The following PTPRD variants were observed in gnomAD, a reference collection of about 807,000 sequenced individuals.
The protein encoded by PTPRD is receptor-type tyrosine-protein phosphatase delta.
A neutral mutation model predicts 214.5 loss-of-function variants in PTPRD; 34 were observed. The observed-to-expected ratio is 0.16, with a 90% CI of 0.12 to 0.21. The LOEUF is 0.21. Ranked by LOEUF, PTPRD falls within the 10% of genes least tolerant of loss-of-function variation. The pLI is 1.00. For synonymous variants in PTPRD, 1,128 were observed against 845.7 expected (o/e 1.33, Z -5.79); for missense variants, 2,545 against 2,398.7 (o/e 1.06, Z -1.27).
intron 9 of PTPRD, among the ~76,000 whole-genome samples, chr9:9,230,963 C>G (rs944874961): frequency 2.0e-5 from 3 of 151,966 alleles, no homozygotes; most frequent in Non-Finnish European, 4.4e-5. Flanking sequence ...GTGAATACTT[C>G]AAATAGCCAA....
chr9:9,869,342 T>C (rs2064845085), intron 5 of PTPRD, among the ~76,000 whole-genome samples: 1 of 152,102 alleles, frequency 6.6e-6, no homozygotes, highest in African/African-American at 2.4e-5. Flanking sequence ...AACAATGTGG[T>C]TAGACCATGA....
intron 7 of PTPRD, among the ~76,000 whole-genome samples, chr9:9,654,890 T>G (rs1424993575): frequency 1.3e-5 from 2 of 152,184 alleles, no homozygotes; most frequent in Non-Finnish European, 2.9e-5. Flanking sequence ...CAATGATATA[T>G]GAAATCCTTC....
intron 5 of PTPRD, among the ~76,000 whole-genome samples, chr9:9,807,368 A>G (rs2153529070): frequency 6.6e-6 from 1 of 152,272 alleles, no homozygotes; most frequent in African/African-American, 2.4e-5. Flanking sequence ...GAAGATAAGT[A>G]TTGAAAATCC....
chr9:8,937,702 C>A (rs770968972), intron 11 of PTPRD, among the ~76,000 whole-genome samples: 6 of 152,144 alleles, frequency 3.9e-5, no homozygotes, highest in African/African-American at 1.4e-4. Flanking sequence ...AACTTTGGAG[C>A]CTTCCTCCTC....
chr9:10,363,584 A>T lies in PTPRD; in HGVS notation c.-599-22567T>A, dbSNP rs540175310. On this transcript the variant is annotated intron_variant, in intron 2 of 45. Coordinates refer to ENST00000381196, the MANE Select transcript of PTPRD (RefSeq NM_002839.4). Reference sequence around the variant, plus strand: ...AAATGTTTTCTCTATGACCTTTTCTATGGATTAAACACAAATCAACACATA... The same window carrying T: ...AAATGTTTTCTCTATGACCTTTTCTTTGGATTAAACACAAATCAACACATA... Among the ~76,000 whole-genome samples, 6 of 152,312 alleles carry T rather than the reference A, an allele frequency of 3.9e-5. No homozygotes were observed. In the South Asian group the frequency reaches 1.0e-3, roughly 26 times the overall value.
intron 2 of PTPRD, among the ~76,000 whole-genome samples, chr9:10,451,774 AT>A (rs1161532678): frequency 6.6e-6 from 1 of 151,980 alleles, no homozygotes; most frequent in Non-Finnish European, 1.5e-5. Context: ...GCTCATTTTA[AT>A]TTACTTGTTC....
At chr9:10,516,695 T>C (rs988350527) in intron 2 of PTPRD, among the ~76,000 whole-genome samples, 7 of 152,028 alleles carry the variant, frequency 4.6e-5, no homozygotes, top group Admixed American at 3.3e-4. Flanking sequence ...TTAGGAGTTT[T>C]AGAGTTTCAA....
intron 8 of PTPRD, among the ~76,000 whole-genome samples, chr9:9,484,435 C>A (rs117521341): frequency 0.011 from 1,745 of 152,166 alleles, 14 homozygotes; most frequent in South Asian, 0.025. Context: ...ACTTCCTGGG[C>A]ATATGAAAAT....
At chr9:9,690,281 GTCT>G (rs1388997855) in intron 7 of PTPRD, among the ~76,000 whole-genome samples, 2 of 151,874 alleles carry the variant, frequency 1.3e-5, no homozygotes, top group East Asian at 1.9e-4. Context: ...CCATTTGTGT[GTCT>G]TCTTCTGAGA....
At chr9:8,741,182 G>A (rs1009922126) in intron 11 of PTPRD, among the ~76,000 whole-genome samples, 1 of 151,832 alleles carries the variant, frequency 6.6e-6, no homozygotes, top group Non-Finnish European at 1.5e-5. Flanking sequence ...AAAAAATGAG[G>A]TATGCCGTGA....
chr9:9,749,113 A>C (rs116160305), intron 6 of PTPRD, among the ~76,000 whole-genome samples: 1,916 of 152,032 alleles, frequency 0.013, 33 homozygotes, highest in African/African-American at 0.043. Context: ...TCTGATTCTA[A>C]AGTTTGGCAG....
chr9:9,076,376 G>A (rs769420104), intron 10 of PTPRD, among the ~76,000 whole-genome samples: 4 of 151,462 alleles, frequency 2.6e-5, no homozygotes, highest in Middle Eastern at 3.2e-3. Flanking sequence ...CTTTTGCTGT[G>A]CAGAAGCTCT....
chr9:8,326,609 T>C (rs1834062108), intron 44 of PTPRD, among the ~76,000 whole-genome samples: 1 of 151,410 alleles, frequency 6.6e-6, no homozygotes, highest in East Asian at 2.0e-4. Context: ...GGAGTCCCTC[T>C]TTTTGTATTG....
At chr9:9,244,236 C>G (rs564028920) in intron 9 of PTPRD, among the ~76,000 whole-genome samples, 21 of 152,178 alleles carry the variant, frequency 1.4e-4, no homozygotes, top group Non-Finnish European at 2.8e-4. Context: ...GATTCAATGC[C>G]ATCCCCATCT....
intron 9 of PTPRD, among the ~76,000 whole-genome samples, chr9:9,336,718 C>A (rs2044641891): frequency 6.6e-6 from 1 of 151,982 alleles, no homozygotes; most frequent in African/African-American, 2.4e-5. Context: ...ACTGCTTTAC[C>A]TTATATGTGC....
chr9:8,468,260 A>C (rs1048468604), intron 31 of PTPRD, among the ~76,000 whole-genome samples: 1 of 152,008 alleles, frequency 6.6e-6, no homozygotes, highest in African/African-American at 2.4e-5. Flanking sequence ...AAATGGTTCA[A>C]ATGGGCTCAG....
chr9:8,954,254 A>C (rs890219185), intron 11 of PTPRD, among the ~76,000 whole-genome samples: 5 of 151,990 alleles, frequency 3.3e-5, no homozygotes, highest in African/African-American at 1.2e-4. Context: ...CAGAAAACCA[A>C]ATACTACATG....
intron 11 of PTPRD, among the ~76,000 whole-genome samples, chr9:8,933,865 A>C (rs2098971076): frequency 6.6e-6 from 1 of 152,166 alleles, no homozygotes; most frequent in Non-Finnish European, 1.5e-5. Context: ...TCAAAAGTTT[A>C]ACAGACTTTA....
At chr9:10,119,304 T>C (rs73641854) in intron 3 of PTPRD, among the ~76,000 whole-genome samples, 5,689 of 152,062 alleles carry the variant, frequency 0.037, 360 homozygotes, top group African/African-American at 0.13. Context: ...GCTCTGGTCA[T>C]CCAAAGACAG....
Sources: allele counts gnomAD v4.1 joint callset (sites outside exome capture counted in the v4.1 genomes callset), GRCh38; gene constraint gnomAD v4.1.1; transcripts MANE v1.5; gene names NCBI Gene and HGNC (gene_info 2026-07-23, HGNC 2026-07-21).